PIKFYVE: variants seen among roughly 807,000 people sequenced by gnomAD.
The protein encoded by PIKFYVE is 1-phosphatidylinositol 3-phosphate 5-kinase.
PIKFYVE carries 122 observed loss-of-function variants against 257.9 expected under a neutral mutation model. The observed-to-expected ratio is 0.47, with a 90% confidence interval of 0.41 to 0.55. PIKFYVE has a LOEUF of 0.55. Among genes scored for constraint, PIKFYVE ranks in the 20% least tolerant of loss-of-function variants. The pLI, the probability that PIKFYVE is intolerant of heterozygous loss-of-function variation, is 0.00. For missense variants in PIKFYVE, 2,160 were observed against 2,536.6 expected (o/e 0.85, Z 3.19); for synonymous variants, 892 against 868.9 (o/e 1.03, Z -0.47).
chr2:208,328,488 T>G (rs1424518613), intron 21 of PIKFYVE, among the ~76,000 whole-genome samples: 5 of 152,202 alleles, frequency 3.3e-5, no homozygotes, highest in African/African-American at 9.7e-5. Flanking sequence ...GAGAGTATAT[T>G]AAGAGTGAAA....
intron 40 of PIKFYVE, 80 bp from the exon 41 acceptor site, chr2:208,354,491 A>T: frequency 1.6e-6 from 2 of 1,218,664 alleles, no homozygotes; most frequent in Non-Finnish European, 2.4e-6. Flanking sequence ...TAGAAGTAGT[A>T]GTAATAGTCA....
chr2:208,306,573 A>T (rs1694337385), intron 12 of PIKFYVE, among the ~76,000 whole-genome samples: 1 of 152,210 alleles, frequency 6.6e-6, no homozygotes, highest in Admixed American at 6.5e-5. Flanking sequence ...AATTTGTAAT[A>T]GGGAAGGATA....
chr2:208,328,250 G>T lies in PIKFYVE; in HGVS notation c.3689G>T (p.Ser1230Ile), dbSNP rs761770190. Reference protein sequence around the residue: ...VLFSSSSAQSSNAPSACVSPW... With the variant: ...VLFSSSSAQSINAPSACVSPW... ...TTCAGCAGCTCTTCTGCCCAGTCCA[G>T]CAATGCTCCTAGTGCCTGTGTCAGT... is the stretch of plus-strand genomic sequence containing the variant. The change falls in exon 21 of 42, where the codon AGC becomes ATC. Residue 1230 changes from serine to isoleucine, a missense_variant. Ser to Ile is a moderately radical substitution (Grantham distance 142). This residue lies in a region of PIKFYVE where 522 missense variants were observed against 514.6 expected (regional missense o/e 1.01). Coordinates refer to ENST00000264380, the MANE Select transcript of PIKFYVE (RefSeq NM_015040.4). 1 of 1,613,664 alleles carries T rather than the reference G, an allele frequency of 6.2e-7. No homozygotes were observed. Among genetic ancestry groups the T allele is most frequent in the African/African-American group, 1.3e-5 (1 of 74,828 alleles).
intron 20 of PIKFYVE, 113 bp from the exon 21 acceptor site, chr2:208,328,067 G>C (rs1290905633): frequency 6.4e-7 from 1 of 1,570,104 alleles, no homozygotes; most frequent in Non-Finnish European, 8.7e-7. Flanking sequence ...ATCTTGACCA[G>C]AGCCCCCACA....
chr2:208,279,710 AGT>A (rs1221236291), intron 5 of PIKFYVE, among the ~76,000 whole-genome samples: 2 of 644 alleles, frequency 3.1e-3, no homozygotes, highest in African/African-American at 3.7e-3. Context: ...AATGTCTGTA[AGT>A]GTGTGATTTT....
At chr2:208,321,180 A>T (rs1230874889) in intron 17 of PIKFYVE, among the ~76,000 whole-genome samples, 1 of 152,144 alleles carries the variant, frequency 6.6e-6, no homozygotes, top group East Asian at 1.9e-4. Context: ...TCCCATAAAT[A>T]CTGTTAATTT....
chr2:208,352,963 T>C (rs1302399225), intron 39 of PIKFYVE, among the ~76,000 whole-genome samples, 181 bp downstream of exon 39: 2 of 152,210 alleles, frequency 1.3e-5, no homozygotes, highest in Non-Finnish European at 2.9e-5. Context: ...GGAATTATTC[T>C]TGTGGAGTGG....
chr2:208,280,130 C>T (rs980942652), intron 5 of PIKFYVE, among the ~76,000 whole-genome samples: 2 of 152,138 alleles, frequency 1.3e-5, no homozygotes, highest in African/African-American at 4.8e-5. Flanking sequence ...TCCCATTACC[C>T]TCAGGATAAA....
At chr2:208,332,767 G>A (rs975480824) in intron 23 of PIKFYVE, among the ~76,000 whole-genome samples, 2 of 151,992 alleles carry the variant, frequency 1.3e-5, no homozygotes, top group Admixed American at 1.3e-4. Context: ...ATGTGTGTGT[G>A]TGTATATATA....
chr2:208,279,673 C>T (rs1690558593), intron 5 of PIKFYVE, among the ~76,000 whole-genome samples: 1 of 150,266 alleles, frequency 6.7e-6, no homozygotes, highest in South Asian at 2.1e-4. Flanking sequence ...CCCTGTTGTT[C>T]ATTTTTGTTG....
chr2:208,336,002 T>C (rs758416587), intron 26 of PIKFYVE, 44 bp from the exon 27 acceptor site: 1 of 1,611,598 alleles, frequency 6.2e-7, no homozygotes, highest in Admixed American at 1.7e-5. Context: ...TTGGGGTATG[T>C]CTGTATAGTG....
intron 34 of PIKFYVE, 143 bp from the exon 35 acceptor site, chr2:208,347,716 A>G (rs889921869): frequency 2.6e-5 from 19 of 734,374 alleles, no homozygotes; most frequent in African/African-American, 8.9e-5. Flanking sequence ...ATGAAGGACA[A>G]TGTGCAAACA....
chr2:208,309,010 C>T (rs1574555181), intron 12 of PIKFYVE, among the ~76,000 whole-genome samples: 1 of 152,088 alleles, frequency 6.6e-6, no homozygotes, highest in South Asian at 2.1e-4. Context: ...ACCCGGCCCA[C>T]TACTAGTATT....
intron 12 of PIKFYVE, among the ~76,000 whole-genome samples, chr2:208,308,970 A>G (rs967864627): frequency 6.6e-6 from 1 of 152,134 alleles, no homozygotes; most frequent in Non-Finnish European, 1.5e-5. Flanking sequence ...GGCCTCCCAA[A>G]GTGCTGGGAT....
intron 3 of PIKFYVE, 190 bp downstream of exon 3, chr2:208,273,923 C>A (rs1214251574): frequency 1.4e-6 from 2 of 1,436,390 alleles, no homozygotes; most frequent in Non-Finnish European, 1.9e-6. Context: ...TTTATTGACA[C>A]CTGAAAAAAT....
rs1168755673 is a variant in PIKFYVE, at chr2:208,335,313, C to A, written c.4150C>A (p.Pro1384Thr). The change falls in exon 25 of 42, where the codon CCC becomes ACC. Residue 1384 changes from proline (P) to threonine (T), a missense_variant. By Grantham distance (38) the Pro-to-Thr change is conservative. Around this residue, in one of 12 missense-constraint regions of PIKFYVE, gnomAD observed 699 missense variants for 855.8 expected, o/e 0.82. Transcript: ENST00000264380. ...CTTGTATTTTCTTCTCAGTTATTCT[C>A]CCATTCGGCTTCTTGAAGTATGTGT... ...NQMVASFSYS[P>T]IRLLEVCVPL... 2 of 1,598,224 alleles carry A rather than the reference C, an allele frequency of 1.3e-6. No individual in the cohort carries two copies. The highest frequency in any genetic ancestry group is 1.7e-5 in the Admixed American group (1 of 59,984).
chr2:208,337,460 A>G (rs2125692867), intron 28 of PIKFYVE, among the ~76,000 whole-genome samples: 1 of 152,062 alleles, frequency 6.6e-6, no homozygotes, highest in South Asian at 2.1e-4. Flanking sequence ...ATACATCTAT[A>G]TAGATATATA....
chr2:208,270,589 T>C (rs1373407863), intron 1 of PIKFYVE, among the ~76,000 whole-genome samples: 1 of 152,192 alleles, frequency 6.6e-6, no homozygotes, highest in African/African-American at 2.4e-5. Flanking sequence ...GGAGCAAAGA[T>C]AGTGGGGAAC....
chr2:208,306,869 G>C (rs6730328), intron 12 of PIKFYVE, among the ~76,000 whole-genome samples: 141,548 of 151,850 alleles, frequency 0.93, 66,460 homozygotes, highest in Non-Finnish European at 0.98. Flanking sequence ...CCTCCGCCTC[G>C]TGGGTTCAAG....
Sources: gnomAD v4.1 joint callset for allele counts (sites outside exome capture counted in the v4.1 genomes callset) on GRCh38, gnomAD v4.1.1 for gene constraint, gnomAD v4.1.1 regional missense constraint, MANE v1.5 for transcripts, NCBI Gene and HGNC (gene_info 2026-07-23, HGNC 2026-07-21) for gene names.